Variants in OTUD7A observed in about 807,000 individuals in gnomAD.
The protein encoded by OTUD7A is OTU deubiquitinase 7A.
OTUD7A carries 12 observed loss-of-function variants against 65.7 expected under a neutral mutation model. That is an observed-to-expected ratio of 0.18 (90% CI 0.12 to 0.30). The LOEUF (loss-of-function observed/expected upper bound fraction) is 0.30, where lower values mean the gene tolerates loss of function less well. Among genes scored for constraint, OTUD7A ranks in the 10% least tolerant of loss-of-function variants. OTUD7A has a pLI of 1.00. For missense variants in OTUD7A, 1,148 were observed against 1,304.8 expected (o/e 0.88, Z 1.85); for synonymous variants, 641 against 586.3 (o/e 1.09, Z -1.35).
At chr15:31,791,383 TAAG>T (rs1021349339) in intron 1 of OTUD7A, among the ~76,000 whole-genome samples, 52 of 152,290 alleles carry the variant, frequency 3.4e-4, no homozygotes, top group African/African-American at 1.3e-3. Flanking sequence ...TTGTTAAATA[TAAG>T]AAGTGGGTTG....
intron 1 of OTUD7A, among the ~76,000 whole-genome samples, chr15:31,837,735 T>A (rs963642524): frequency 1.3e-5 from 2 of 152,150 alleles, no homozygotes; most frequent in Non-Finnish European, 2.9e-5. Context: ...CAAATTCTTA[T>A]CAAAATCCCA....
intron 8 of OTUD7A, among the ~76,000 whole-genome samples, chr15:31,505,822 T>C (rs1380166273): frequency 4.0e-5 from 6 of 151,654 alleles, no homozygotes; most frequent in Non-Finnish European, 2.9e-5. Flanking sequence ...TGATCTCGGC[T>C]CACTGCAAGC....
At chr15:31,560,524 T>C (rs1368678790) in intron 4 of OTUD7A, among the ~76,000 whole-genome samples, 1 of 152,234 alleles carries the variant, frequency 6.6e-6, no homozygotes, top group African/African-American at 2.4e-5. Context: ...TGACTAACAT[T>C]GAACATAAAA....
intron 1 of OTUD7A, among the ~76,000 whole-genome samples, chr15:31,856,361 T>G (rs949869453): frequency 1.3e-5 from 2 of 152,246 alleles, no homozygotes; most frequent in Admixed American, 1.3e-4. Flanking sequence ...TTTACTGTTT[T>G]GCTGAACTTA....
At chr15:31,610,615 A>ATTTTT (rs1336235314) in intron 3 of OTUD7A, among the ~76,000 whole-genome samples, 1,232 of 32,590 alleles carry the variant, frequency 0.038, 56 homozygotes, top group East Asian at 0.17. Flanking sequence ...ATATATATAT[A>ATTTTT]TATTTTTTTT....
chr15:31,510,050 C>G (rs908226884), intron 8 of OTUD7A, among the ~76,000 whole-genome samples: 1 of 149,986 alleles, frequency 6.7e-6, no homozygotes, highest in African/African-American at 2.4e-5. Context: ...ACGGGCCCCG[C>G]CTGCATGTAT....
intron 1 of OTUD7A, chr15:31,766,155 A>C (rs756230635): frequency 2.6e-5 from 39 of 1,472,566 alleles, no homozygotes; most frequent in Non-Finnish European, 3.3e-5. Context: ...ATCATGATCC[A>C]TTAAGAAAGA....
intron 1 of OTUD7A, among the ~76,000 whole-genome samples, chr15:31,764,148 C>T (rs1159771882): frequency 2.0e-5 from 3 of 152,058 alleles, no homozygotes; most frequent in Non-Finnish European, 4.4e-5. Context: ...TTTTTTGTTA[C>T]AAAACCCCAA....
chr15:31,483,538 T>A lies in OTUD7A; in HGVS notation c.2558A>T (p.His853Leu), dbSNP rs1024393364. The change falls in exon 13 of 13, where the codon CAC (histidine) becomes CTC (leucine). Residue 853 changes from histidine (H) to leucine (L), a missense_variant. By Grantham distance (99) the His-to-Leu change is moderately conservative. Transcript: ENST00000307050. ...GAAGTAGAAE[H>L]KSQTYTNGFG... The stretch of plus-strand genomic sequence containing the variant: ...GCCGTTGGTGTAGGTCTGCGACTTG[T>A]GCTCGGCCGCCCCCGCCGTCCCCGC... The A allele has an allele frequency of 4.5e-5, 60 of 1,342,704 alleles. No homozygotes were observed. In the Admixed American group the frequency reaches 1.8e-3, roughly 41 times the overall value. 83.2% of individuals were successfully genotyped at this position (1,342,704 alleles called of 1,614,324 possible). A position where few individuals can be genotyped will look rare whatever the true frequency, so the allele number is the denominator to read the frequency against.
intron 3 of OTUD7A, among the ~76,000 whole-genome samples, chr15:31,623,003 G>T (rs1261530042): frequency 6.6e-6 from 1 of 152,214 alleles, no homozygotes; most frequent in Non-Finnish European, 1.5e-5. Flanking sequence ...TCAGCTGCAG[G>T]TCTGTTGGAG....
At chr15:31,759,627 G>A (rs530464179) in intron 1 of OTUD7A, among the ~76,000 whole-genome samples, 3 of 152,224 alleles carry the variant, frequency 2.0e-5, no homozygotes, top group Admixed American at 6.5e-5. Context: ...TCTGCCTCCC[G>A]GGTTCAAGCA....
intron 3 of OTUD7A, among the ~76,000 whole-genome samples, chr15:31,613,661 T>C (rs1890497128): frequency 6.6e-6 from 1 of 152,066 alleles, no homozygotes; most frequent in African/African-American, 2.4e-5. Flanking sequence ...GATTGAGGCA[T>C]GGATGCAGTG....
chr15:31,587,438 C>T (rs561613903), intron 3 of OTUD7A, among the ~76,000 whole-genome samples: 135 of 151,990 alleles, frequency 8.9e-4, no homozygotes, highest in African/African-American at 3.1e-3. Flanking sequence ...GAGTTCAAGA[C>T]CAGCCTGGCC....
In OTUD7A at chr15:31,584,345, G is replaced by A. The variant is rs117463741; in HGVS notation, c.152-14148C>T. ...AGTATGGCAGTGATCACAAGACTGG[G>A]GCTTTGGAGCTGGATGGGATCCTGA... On this transcript the variant is annotated intron_variant, in intron 3 of 12. Coordinates refer to ENST00000307050, the MANE Select transcript of OTUD7A (RefSeq NM_001382637.1). Among the ~76,000 whole-genome samples, 625 of 152,290 alleles carry A rather than the reference G, an allele frequency of 4.1e-3. 7 individuals carry two copies. Among genetic ancestry groups the A allele is most frequent in the Middle Eastern group, 6.8e-3 (2 of 294 alleles).
Position 31,663,246 on chromosome 15 carries a change from A to AACACACACACACAC in OTUD7A, c.-99-6183_-99-6170dup, listed in dbSNP as rs531313199. ...ATGCTGGGTGTGGGGTCTTGGGCTA[A>AACACACACACACAC]ACACACACACACACACACACACACA... On this transcript the variant is annotated intron_variant, in intron 1 of 12. Coordinates refer to ENST00000307050, the MANE Select transcript of OTUD7A (RefSeq NM_001382637.1). Among the ~76,000 whole-genome samples the AACACACACACACAC allele has an allele frequency of 6.0e-3, 849 of 140,610 alleles. 9 individuals carry two copies. Among genetic ancestry groups the AACACACACACACAC allele is most frequent in the African/African-American group, 0.016 (580 of 37,364 alleles). 92.2% of individuals were successfully genotyped at this position (140,610 alleles called of 152,430 possible).
At chr15:31,798,813 G>A (rs552391896) in intron 1 of OTUD7A, among the ~76,000 whole-genome samples, 15 of 152,046 alleles carry the variant, frequency 9.9e-5, no homozygotes, top group African/African-American at 2.9e-4. Flanking sequence ...GCTCAGCTTG[G>A]GGGGGGGCTC....
chr15:31,823,079 C>CTGCATGTGTAGCTGCAGCAT (rs1896724541), intron 1 of OTUD7A, among the ~76,000 whole-genome samples: 1 of 152,184 alleles, frequency 6.6e-6, no homozygotes, highest in Non-Finnish European at 1.5e-5. Flanking sequence ...ACTTTGTCAG[C>CTGCATGTGTAGCTGCAGCAT]CTCTCTGCAG....
intron 1 of OTUD7A, among the ~76,000 whole-genome samples, chr15:31,867,891 G>T (rs1897920120): frequency 7.1e-6 from 1 of 140,652 alleles, no homozygotes; most frequent in African/African-American, 2.5e-5. Flanking sequence ...TGGAAGACAG[G>T]CATGCGGGAG....
intron 1 of OTUD7A, among the ~76,000 whole-genome samples, chr15:31,856,259 A>G (rs1595817724): frequency 1.3e-5 from 2 of 152,358 alleles, no homozygotes; most frequent in Admixed American, 1.3e-4. Flanking sequence ...TTGGATATCC[A>G]CAGACCATTT....
Sources: allele counts gnomAD v4.1 joint callset (sites outside exome capture counted in the v4.1 genomes callset), GRCh38; gene constraint gnomAD v4.1.1; transcripts MANE v1.5; gene names NCBI Gene and HGNC (gene_info 2026-07-23, HGNC 2026-07-21).